The following ATM variants were observed in gnomAD, a reference collection of about 807,000 sequenced individuals.
ATM encodes serine-protein kinase ATM.
In ATM, 308 loss-of-function variants were observed where a neutral mutation model predicts 387.0. The observed-to-expected ratio is 0.80, with a 90% CI of 0.73 to 0.87. ATM has a LOEUF of 0.87. ATM is among the 40% of genes least tolerant of loss of function. ATM has a pLI of 0.00. For missense variants in ATM, 3,312 were observed against 3,560.9 expected (o/e 0.93, Z 1.78); for synonymous variants, 1,156 against 1,187.3 (o/e 0.97, Z 0.54).
rs966320895 is a variant in ATM at position 108,279,679 on chromosome 11, A to G, written c.3402+71A>G. Reference sequence around the variant, plus strand: ...GAATATCCCATAAATTACTTCACCAAGTTTGGTATAAGAGAGTTTATAATC... The same window carrying G: ...GAATATCCCATAAATTACTTCACCAGGTTTGGTATAAGAGAGTTTATAATC... On this transcript the variant is annotated intron_variant, in intron 23 of 62. Transcript: ENST00000675843. 7.4e-6 allele frequency: 9 copies of G among 1,224,296 alleles called. 1 individual carries two copies. Among genetic ancestry groups the G allele is most frequent in the South Asian group, 1.2e-5 (1 of 82,940 alleles). 75.8% of individuals were successfully genotyped at this position (1,224,296 alleles called of 1,614,324 possible). A position where few individuals can be genotyped will look rare whatever the true frequency, so the allele number is the denominator to read the frequency against.
rs140104789 is a variant in ATM, at chr11:108,327,713, G to T, written c.7044G>T (p.Thr2348=). Residue 2348 remains threonine (T), a synonymous_variant, in exon 48 of 63, where the codon ACG becomes ACT. Coordinates refer to ENST00000675843, the MANE Select transcript of ATM (RefSeq NM_000051.4). The part of the protein sequence containing the change: ...LRVCGNWLAE[T]CLENPAVIMQ... ...TTTGTGGCAACTGGTTAGCAGAAAC[G>T]TGCTTAGAAAATCCTGCGGTCATCA... 6.2e-7 allele frequency: 1 copy of T among 1,613,978 alleles called. No individual in the cohort carries two copies. Among genetic ancestry groups the T allele is most frequent in the South Asian group, 1.1e-5 (1 of 91,076 alleles).
intron 16 of ATM, 145 bp downstream of exon 16, chr11:108,259,220 T>C (rs2080712106): frequency 2.6e-6 from 2 of 759,774 alleles, no homozygotes; most frequent in African/African-American, 1.7e-5. Context: ...CCAGGTGCGG[T>C]GGCTCATGCC....
At chr11:108,312,269 A>G (rs2084229871) in intron 39 of ATM, 142 bp from the exon 40 acceptor site, 4 of 657,762 alleles carry the variant, frequency 6.1e-6, no homozygotes, top group Non-Finnish European at 8.3e-6. Flanking sequence ...TATAAATGGT[A>G]TTATGTTTTA....
intron 16 of ATM, among the ~76,000 whole-genome samples, chr11:108,263,095 G>A (rs201051535): frequency 0.022 from 3,292 of 151,502 alleles, 94 homozygotes; most frequent in African/African-American, 0.069. Flanking sequence ...AAGTCAACAA[G>A]TATACCCAGG....
chr11:108,267,775 T>C (rs965492733), intron 17 of ATM, among the ~76,000 whole-genome samples: 4 of 152,182 alleles, frequency 2.6e-5, no homozygotes, highest in African/African-American at 7.2e-5. Context: ...GAGAACGGCA[T>C]GAACCTGGGG....
intron 40 of ATM, 95 bp from the exon 41 acceptor site, chr11:108,315,728 G>T: frequency 1.2e-6 from 1 of 824,038 alleles, no homozygotes; most frequent in South Asian, 1.4e-5. Flanking sequence ...TTAGAGTTGG[G>T]AGTTACATAT....
chr11:108,295,308 C>T, intron 32 of ATM: 3 of 419,538 alleles, frequency 7.2e-6, no homozygotes, highest in Non-Finnish European at 4.3e-6. Flanking sequence ...TTTCTACTGC[C>T]TAAATTTTTT....
rs376396575 is a variant in ATM, at chr11:108,304,630, T to G, written c.5497-45T>G. The G allele has an allele frequency of 4.5e-6, 7 of 1,572,770 alleles. No individual in the cohort carries two copies. The African/African-American group carries it at 9.5e-5, about 21-fold the overall frequency. Reference sequence around the variant, plus strand: ...TTTAAGTAAAATGTATTAATTTTACTCATTTTTACTCAAACTATTGGGTGG... The same window carrying G: ...TTTAAGTAAAATGTATTAATTTTACGCATTTTTACTCAAACTATTGGGTGG... On this transcript the variant is annotated intron_variant, in intron 36 of 62. Coordinates refer to ENST00000675843, the MANE Select transcript of ATM (RefSeq NM_000051.4).
At chr11:108,290,740 T>C (rs1406058369) in intron 29 of ATM, 1 of 150,798 alleles carries the variant, frequency 6.6e-6, no homozygotes, top group Admixed American at 6.6e-5. Context: ...GAGGATGGCT[T>C]GAGCTCAAGA....
intron 58 of ATM, 48 bp from the exon 59 acceptor site, chr11:108,347,231 A>T: frequency 7.3e-7 from 1 of 1,360,718 alleles, no homozygotes; most frequent in Non-Finnish European, 1.1e-6. Context: ...ATATATTAGA[A>T]AGAGATGGAA....
In ATM at chr11:108,253,951, G is replaced by C. The variant is rs544123518; in HGVS notation, c.2036G>C (p.Gly679Ala). The C allele has an allele frequency of 1.9e-6, 3 of 1,613,936 alleles. No homozygotes were observed. In the African/African-American group the frequency reaches 4.0e-5, roughly 22 times the overall value. Residue 679 changes from glycine to alanine, a missense_variant, in exon 13 of 63, where the codon GGC (glycine) becomes GCC (alanine). Physicochemically the swap from Gly to Ala is moderately conservative, Grantham distance 60. This residue lies in a region of ATM where 1,791 missense variants were observed against 1,804.5 expected (regional missense o/e 0.99). Coordinates refer to ENST00000675843, the MANE Select transcript of ATM (RefSeq NM_000051.4). Reference protein sequence around the residue: ...CGIEKHQSSIGFSVHQNLKES... With the variant: ...CGIEKHQSSIAFSVHQNLKES... ...ATAGAAAAGCACCAGTCCAGTATTGGCTTCTCTGTCCACCAGAATCTCAAG... is the reference window on the plus strand; with the variant it reads ...ATAGAAAAGCACCAGTCCAGTATTGCCTTCTCTGTCCACCAGAATCTCAAG...
chr11:108,229,153 G>T, intron 3 of ATM, 25 bp from the exon 4 acceptor site: 1 of 1,601,010 alleles, frequency 6.2e-7, no homozygotes, highest in Non-Finnish European at 8.5e-7. Context: ...ACGAGTTTCT[G>T]AAATTGCATT....
chr11:108,325,915 C>A, intron 46 of ATM, 143 bp from the exon 47 acceptor site: 2 of 991,916 alleles, frequency 2.0e-6, no homozygotes, highest in Non-Finnish European at 3.0e-6. Context: ...AGATGTCATG[C>A]AGACAGAGAG....
rs1012476118 is a variant in ATM, at chr11:108,367,490, A to G, written c.*1982A>G. The G allele has an allele frequency of 6.3e-5, 13 of 205,214 alleles. No homozygotes were observed. The highest frequency in any genetic ancestry group is 1.1e-4 in the African/African-American group (5 of 43,740). 12.7% of individuals were successfully genotyped at this position (205,214 alleles called of 1,614,324 possible). Reference sequence around the variant, plus strand: ...TCATCATATAAGATAAACATCAGATAAAAAGCCACCTGAAAGTAAAACTAC... The same window carrying G: ...TCATCATATAAGATAAACATCAGATGAAAAGCCACCTGAAAGTAAAACTAC... On this transcript the variant is annotated 3_prime_UTR_variant, in exon 63 of 63. Coordinates refer to ENST00000675843, the MANE Select transcript of ATM (RefSeq NM_000051.4).
In ATM at chr11:108,253,798, T is replaced by A. The variant is rs1352009139; in HGVS notation, c.1899-16T>A. 6.9e-6 allele frequency: 11 copies of A among 1,597,220 alleles called. No individual in the cohort carries two copies. Among genetic ancestry groups the A allele is most frequent in the Non-Finnish European group, 9.4e-6 (11 of 1,166,292 alleles). The stretch of plus-strand genomic sequence containing the variant: ...AGGTACTTGGTTTATATATTAAAGA[T>A]CTTACTTTCTTGAAGTGAACACCAC... On this transcript the variant is annotated splice_polypyrimidine_tract_variant and intron_variant, in intron 12 of 62. Transcript: ENST00000675843.
Position 108,341,830 on chromosome 11 carries a change from T to A in ATM, c.8269-1392T>A, listed in dbSNP as rs529390754. Among the ~76,000 whole-genome samples, 4 of 152,324 alleles carry A rather than the reference T, an allele frequency of 2.6e-5. No individual in the cohort carries two copies. The East Asian group carries it at 7.7e-4, about 29-fold the overall frequency. ...TAGCAAAATATAAAAAGCCTGACAA[T>A]ATTAAGTATTGCGAAAGTTATGGAA... On this transcript the variant is annotated intron_variant, in intron 56 of 62. Coordinates refer to ENST00000675843, the MANE Select transcript of ATM (RefSeq NM_000051.4).
At chr11:108,293,066 A>G (rs2082890896) in intron 30 of ATM, among the ~76,000 whole-genome samples, 1 of 152,166 alleles carries the variant, frequency 6.6e-6, no homozygotes, top group African/African-American at 2.4e-5. Context: ...TTGAGTTACT[A>G]CTTATATAAA....
In ATM at chr11:108,249,477, A is replaced by C. The variant is rs4987937; in HGVS notation, c.1235+375A>C. ...TTAGGAAGAAGTTAAAGATAATCTT[A>C]AGAAATCACAGAATAATTTTGACCT... On this transcript the variant is annotated intron_variant, in intron 9 of 62. Coordinates refer to ENST00000675843, the MANE Select transcript of ATM (RefSeq NM_000051.4). Among the ~76,000 whole-genome samples the C allele has an allele frequency of 9.3e-3, 1,415 of 152,364 alleles. 23 individuals are homozygous for C. The highest frequency in any genetic ancestry group is 0.032 in the African/African-American group (1,315 of 41,586).
rs1591542120 is a variant in ATM, at chr11:108,256,262, T to C, written c.2172T>C (p.Gly724=). The C allele has an allele frequency of 6.2e-7, 1 of 1,610,496 alleles. No homozygotes were observed. Among genetic ancestry groups the C allele is most frequent in the Non-Finnish European group, 8.5e-7 (1 of 1,177,616 alleles). Residue 724 remains glycine (G), a synonymous_variant, in exon 14 of 63, where the codon GGT becomes GGC. Transcript: ENST00000675843. ...TLVRCSRLLV[G]VLGCYCYMGV... ...TCCGGTGTTCACGTCTTTTGGTGGG[T>C]GTCCTTGGCTGCTACTGTTACATGG...
Sources: gnomAD v4.1 joint callset for allele counts (sites outside exome capture counted in the v4.1 genomes callset) on GRCh38, gnomAD v4.1.1 for gene constraint, gnomAD v4.1.1 regional missense constraint, MANE v1.5 for transcripts, NCBI Gene and HGNC (gene_info 2026-07-23, HGNC 2026-07-21) for gene names.